Variants in MAP3K14 observed in about 807,000 individuals in gnomAD.
MAP3K14 encodes the protein mitogen-activated protein kinase kinase kinase 14, also known as NF-kappa-beta-inducing kinase.
A neutral mutation model predicts 99.2 loss-of-function variants in MAP3K14; 16 were observed. That is an observed-to-expected ratio of 0.16 (90% confidence interval 0.11 to 0.24). The LOEUF (loss-of-function observed/expected upper bound fraction) is 0.24, where lower values mean the gene tolerates loss of function less well. MAP3K14 is among the 10% of genes least tolerant of loss of function. MAP3K14 has a pLI of 1.00. For synonymous variants in MAP3K14, 462 were observed against 492.4 expected (o/e 0.94, Z 0.82); for missense variants, 784 against 1,208.7 (o/e 0.65, Z 5.21).
At position 45,267,028 on chromosome 17, in the gene MAP3K14, T is replaced by C; in HGVS notation, c.2433+64A>G. ...ACTAGCTGGACGCAAAGCTACTTGCTCTGTGCCAGGGCCGGGAAAACCACA... is the reference window on the plus strand; with the variant it reads ...ACTAGCTGGACGCAAAGCTACTTGCCCTGTGCCAGGGCCGGGAAAACCACA... On this transcript the variant is annotated intron_variant, in intron 13 of 15. Coordinates refer to ENST00000344686, the MANE Select transcript of MAP3K14 (RefSeq NM_003954.5). The surrounding 1 kb of genome is among the most constrained non-coding windows in gnomAD (Gnocchi z 5.1). 3 of 1,222,882 alleles carry C rather than the reference T, an allele frequency of 2.5e-6. No individual in the cohort carries two copies. The highest frequency in any genetic ancestry group is 2.4e-6 in the Non-Finnish European group (2 of 850,344). The allele number at this position is 1,222,882 out of a possible 1,614,324, so 75.8% of individuals were successfully genotyped here. A position where few individuals can be genotyped will look rare whatever the true frequency, so the allele number is the denominator to read the frequency against.
At position 45,287,367 on chromosome 17, in the gene MAP3K14, G is replaced by A; in HGVS notation, c.327-3C>T. ...TCTGATCAAGACTCTCGGACTGGCT[G>A]TCACAAAAGGGACAGATTTGCATAT... On this transcript the variant is annotated splice_polypyrimidine_tract_variant and splice_region_variant and intron_variant, in intron 3 of 15. Transcript: ENST00000344686. 2 of 1,613,582 alleles carry A rather than the reference G, an allele frequency of 1.2e-6. No individual in the cohort carries two copies. Among genetic ancestry groups the A allele is most frequent in the East Asian group, 2.2e-5 (1 of 44,878 alleles).
intron 9 of MAP3K14, 98 bp from the exon 10 acceptor site, chr17:45,271,319 G>A: frequency 1.9e-6 from 2 of 1,054,210 alleles, no homozygotes; most frequent in South Asian, 3.1e-5. Flanking sequence ...TCTTACATTT[G>A]TCACTGTTAA....
intron 1 of MAP3K14, among the ~76,000 whole-genome samples, chr17:45,295,131 T>C (rs1441499064): frequency 6.6e-6 from 1 of 152,200 alleles, no homozygotes; most frequent in Admixed American, 6.5e-5. Flanking sequence ...TTTTAGAATA[T>C]ATCATATTTC....
intron 6 of MAP3K14, among the ~76,000 whole-genome samples, chr17:45,281,414 G>A (rs1173922820): frequency 2.7e-5 from 4 of 149,016 alleles, no homozygotes; most frequent in African/African-American, 1.0e-4. Context: ...GCACAATCTC[G>A]GCTCACTGCA....
At chr17:45,289,452 A>C in intron 2 of MAP3K14, 147 bp from the exon 3 acceptor site, 1 of 648,730 alleles carries the variant, frequency 1.5e-6, no homozygotes, top group Non-Finnish European at 2.8e-6. Context: ...CTCCCCACCA[A>C]TGCCTCCTTC....
In MAP3K14 at chr17:45,267,545, G is replaced by C; in HGVS notation, c.2187C>G (p.Pro729=). 1 of 1,613,624 alleles carries C rather than the reference G, an allele frequency of 6.2e-7. No homozygotes were observed. Among genetic ancestry groups the C allele is most frequent in the East Asian group, 2.2e-5 (1 of 44,886 alleles). ...CAGACTCCTCCTTGCTCAAAGTCAA[G>C]GGAGGAGACTTGTTTGGCTCTGGGG... ...PEPPEPNKSP[P]LTLSKEESGM... The change falls in exon 12 of 16, where the codon CCC becomes CCG. Residue 729 remains proline, a synonymous_variant. Coordinates refer to ENST00000344686, the MANE Select transcript of MAP3K14 (RefSeq NM_003954.5). The surrounding 1 kb of genome is among the most constrained non-coding windows in gnomAD (Gnocchi z 5.1).
intron 11 of MAP3K14, among the ~76,000 whole-genome samples, chr17:45,269,853 G>A (rs1598243010): frequency 6.6e-6 from 1 of 152,214 alleles, no homozygotes; most frequent in South Asian, 2.1e-4. Flanking sequence ...GTTTCTCTGA[G>A]TTCTGTGAGC....
At position 45,273,548 on chromosome 17, in the gene MAP3K14, C is replaced by A. The variant is rs1205546554; in HGVS notation, c.1612G>T (p.Ala538Ser). 4.3e-6 allele frequency: 7 copies of A among 1,613,558 alleles called. No individual in the cohort carries two copies. The highest frequency in any genetic ancestry group is 5.9e-6 in the Non-Finnish European group (7 of 1,179,772). The change falls in exon 9 of 16, where the codon GCT becomes TCT. Residue 538 changes from alanine to serine, a missense_variant. Physicochemically the swap from Ala to Ser is moderately conservative, Grantham distance 99. Transcript: ENST00000344686. ...AGGCCATCAGGTTGAAGACACACAG[C>A]ATGGCCAAAGTCACAGAGGGCTGCG... The part of the protein sequence containing the change: ...SHAALCDFGH[A>S]VCLQPDGLGK...
rs775296010 is a variant in MAP3K14 at position 45,266,610 on chromosome 17, G to C, written c.2505C>G (p.Ala835=). The part of the protein sequence containing the change: ...SSGVHSWSSQ[A]EARSSSWNMV... ...TGTTCCAGCTGGAGCTTCGAGCCTC[G>C]GCCTGGCTGCTCCAGGAGTGTACGC... Residue 835 remains alanine (A), a synonymous_variant, in exon 14 of 16, where the codon GCC becomes GCG. Coordinates refer to ENST00000344686, the MANE Select transcript of MAP3K14 (RefSeq NM_003954.5). 5 of 1,613,708 alleles carry C rather than the reference G, an allele frequency of 3.1e-6. No homozygotes were observed. Among genetic ancestry groups the C allele is most frequent in the Admixed American group, 1.7e-5 (1 of 60,004 alleles).
intron 1 of MAP3K14, among the ~76,000 whole-genome samples, chr17:45,293,896 A>C (rs2044330137): frequency 6.6e-6 from 1 of 152,028 alleles, no homozygotes; most frequent in African/African-American, 2.4e-5. Flanking sequence ...TCCTAATTCT[A>C]TCTGGACTCT....
At chr17:45,288,962 G>C (rs1038237775) in intron 3 of MAP3K14, among the ~76,000 whole-genome samples, 2 of 152,110 alleles carry the variant, frequency 1.3e-5, no homozygotes, top group African/African-American at 2.4e-5. Context: ...TGGGAAACGA[G>C]GGGGTGCATT....
chr17:45,275,738 G>A (rs907611067), intron 6 of MAP3K14, among the ~76,000 whole-genome samples: 23 of 149,288 alleles, frequency 1.5e-4, no homozygotes, highest in African/African-American at 4.9e-4. Context: ...TCCATCGGGT[G>A]CATTTTTTTT....
chr17:45,275,780 AG>A (rs1261811696), intron 6 of MAP3K14, among the ~76,000 whole-genome samples: 5 of 98,464 alleles, frequency 5.1e-5, no homozygotes, highest in African/African-American at 2.1e-4. Flanking sequence ...TTTTTTTTTG[AG>A]ACAGAGGTCT....
At chr17:45,276,904 A>C (rs2044185129) in intron 6 of MAP3K14, among the ~76,000 whole-genome samples, 2 of 131,498 alleles carry the variant, frequency 1.5e-5, no homozygotes, top group Non-Finnish European at 1.5e-5. Flanking sequence ...ATCTCAGCTC[A>C]CTGCAACCTC....
chr17:45,290,750 C>T lies in MAP3K14; in HGVS notation c.-5G>A, dbSNP rs769905381. 3 of 1,612,466 alleles carry T rather than the reference C, an allele frequency of 1.9e-6. No homozygotes were observed. The South Asian group carries it at 3.3e-5, about 18-fold the overall frequency. ...GGCCATTTCCATCACTGCCATCTCC[C>T]AGGCTTGTGCTCATCCTGAGAGAGA... On this transcript the variant is annotated 5_prime_UTR_variant, in exon 2 of 16. Coordinates refer to ENST00000344686, the MANE Select transcript of MAP3K14 (RefSeq NM_003954.5).
Position 45,275,890 on chromosome 17 carries a change from T to C in MAP3K14, c.1291-1297A>G, listed in dbSNP as rs565897286. On this transcript the variant is annotated intron_variant, in intron 6 of 15. Transcript: ENST00000344686. ...AATTCTCCTGCCTCAGCCTCCCGAG[T>C]AGCTGGGACTACAAGTGTGCGCCAC... Among the ~76,000 whole-genome samples the C allele has an allele frequency of 8.6e-4, 130 of 151,648 alleles. 1 individual carries two copies. The highest frequency in any genetic ancestry group is 1.6e-3 in the Non-Finnish European group (107 of 67,922).
intron 1 of MAP3K14, among the ~76,000 whole-genome samples, chr17:45,311,528 G>C (rs955376490): frequency 1.3e-5 from 2 of 152,198 alleles, no homozygotes; most frequent in Non-Finnish European, 2.9e-5. Context: ...TTAGCAGAAA[G>C]AGCGTCAGGA....
intron 1 of MAP3K14, among the ~76,000 whole-genome samples, chr17:45,313,466 C>T (rs375569373): frequency 2.6e-5 from 4 of 152,116 alleles, no homozygotes; most frequent in African/African-American, 9.7e-5. Flanking sequence ...AGATGAGGCA[C>T]CTGATGATTA....
intron 1 of MAP3K14, among the ~76,000 whole-genome samples, chr17:45,307,657 G>T (rs775019071): frequency 1.3e-5 from 2 of 152,166 alleles, no homozygotes; most frequent in Non-Finnish European, 2.9e-5. Context: ...TAGAAATCTG[G>T]TTTTCAGAGG....
Sources: allele counts gnomAD v4.1 joint callset (sites outside exome capture counted in the v4.1 genomes callset), GRCh38; gene constraint gnomAD v4.1.1; non-coding constraint Gnocchi (gnomAD v3.1); transcripts MANE v1.5; gene names NCBI Gene and HGNC (gene_info 2026-07-23, HGNC 2026-07-21).